ZNF638: variants seen among roughly 807,000 people sequenced by gnomAD.
The protein encoded by ZNF638 is zinc finger protein 638, also known as CTCL tumor antigen se33-1.
ZNF638 carries 46 observed loss-of-function variants against 195.6 expected under a neutral mutation model. The ratio of observed to expected loss-of-function variants is 0.24; its 90% CI spans 0.19 to 0.30. The LOEUF (loss-of-function observed/expected upper bound fraction) is 0.30. Ranked by LOEUF, ZNF638 falls within the 10% of genes least tolerant of loss-of-function variation. The pLI, the probability that ZNF638 is intolerant of heterozygous loss-of-function variation, is 1.00. For synonymous variants in ZNF638, 845 were observed against 772.0 expected (o/e 1.09, Z -1.57); for missense variants, 2,440 against 2,325.3 (o/e 1.05, Z -1.01).
At chr2:71,372,311 C>G (rs1307533998) in intron 8 of ZNF638, among the ~76,000 whole-genome samples, 1 of 152,142 alleles carries the variant, frequency 6.6e-6, no homozygotes, top group Non-Finnish European at 1.5e-5. Flanking sequence ...CCAAGAAATT[C>G]AGATTCTTAT....
intron 20 of ZNF638, among the ~76,000 whole-genome samples, chr2:71,410,755 G>C (rs1020608908): frequency 6.6e-6 from 1 of 152,118 alleles, no homozygotes; most frequent in Non-Finnish European, 1.5e-5. Context: ...CAGCAGAAGA[G>C]TTATTTGAGA....
intron 6 of ZNF638, 85 bp from the exon 7 acceptor site, chr2:71,368,297 G>A (rs1441389636): frequency 1.3e-4 from 171 of 1,317,798 alleles, no homozygotes; most frequent in Non-Finnish European, 1.7e-4. Flanking sequence ...TAATATTAGT[G>A]GTAGAAGAAA....
chr2:71,374,469 C>A (rs1467955638), intron 8 of ZNF638, among the ~76,000 whole-genome samples: 1 of 151,628 alleles, frequency 6.6e-6, no homozygotes, highest in African/African-American at 2.4e-5. Flanking sequence ...AATGTTTTTC[C>A]TCTTTATTTA....
chr2:71,375,394 C>T (rs747005158), intron 8 of ZNF638: 3 of 152,234 alleles, frequency 2.0e-5, no homozygotes, highest in Non-Finnish European at 2.9e-5. Flanking sequence ...GCACTACTGT[C>T]TGTAGAATGT....
chr2:71,333,307 T>C (rs747841305), intron 1 of ZNF638, among the ~76,000 whole-genome samples: 9 of 152,216 alleles, frequency 5.9e-5, no homozygotes, highest in Non-Finnish European at 1.3e-4. Flanking sequence ...GCTGGGCCAT[T>C]CCTTCCTTGG....
At chr2:71,340,492 A>G (rs970901293) in intron 1 of ZNF638, among the ~76,000 whole-genome samples, 1 of 152,224 alleles carries the variant, frequency 6.6e-6, no homozygotes, top group African/African-American at 2.4e-5. Context: ...TTAACTACCC[A>G]TTGTAATAAC....
chr2:71,332,751 T>C (rs2104043924), intron 1 of ZNF638: 1 of 152,322 alleles, frequency 6.6e-6, no homozygotes, highest in Middle Eastern at 3.4e-3. Context: ...GATACTTCAG[T>C]ATTACAAAAT....
At chr2:71,398,584 T>C (rs754167046) in intron 11 of ZNF638, 117 bp from the exon 12 acceptor site, 1 of 823,002 alleles carries the variant, frequency 1.2e-6, no homozygotes, top group African/African-American at 1.7e-5. Context: ...TGATAGCATT[T>C]TATGTTTTGA....
chr2:71,431,039 T>C (rs1455873651), intron 25 of ZNF638: 3 of 243,176 alleles, frequency 1.2e-5, no homozygotes, highest in Non-Finnish European at 2.4e-5. Flanking sequence ...ATAAGTTCTC[T>C]TGCCAGTAAT....
intron 4 of ZNF638, among the ~76,000 whole-genome samples, chr2:71,363,453 T>A (rs550080570): frequency 6.6e-6 from 1 of 152,084 alleles, no homozygotes; most frequent in East Asian, 1.9e-4. Flanking sequence ...TGTAAATGCC[T>A]TGAATGCTAG....
intron 7 of ZNF638, among the ~76,000 whole-genome samples, chr2:71,369,673 A>G (rs905003915): frequency 7.9e-5 from 12 of 152,030 alleles, no homozygotes; most frequent in Admixed American, 7.9e-4. Flanking sequence ...TGGTAGTGGT[A>G]TAGAAATTAT....
chr2:71,422,348 C>G (rs2080450219), intron 21 of ZNF638, among the ~76,000 whole-genome samples: 3 of 151,746 alleles, frequency 2.0e-5, no homozygotes, highest in Admixed American at 2.0e-4. Context: ...CTTTTCCCCC[C>G]ACCAGTTTCT....
chr2:71,430,217 A>G, intron 25 of ZNF638, among the ~76,000 whole-genome samples: 1 of 151,906 alleles, frequency 6.6e-6, no homozygotes, highest in Middle Eastern at 3.4e-3. Context: ...TAATTTTAAT[A>G]TATGTTATAT....
chr2:71,385,457 A>G (rs1450730207), intron 10 of ZNF638, among the ~76,000 whole-genome samples: 5 of 150,670 alleles, frequency 3.3e-5, no homozygotes, highest in Non-Finnish European at 7.4e-5. Context: ...TCACATTGAA[A>G]TGAAATTACA....
At chr2:71,412,845 T>C (rs2080254034) in intron 20 of ZNF638, among the ~76,000 whole-genome samples, 1 of 133,692 alleles carries the variant, frequency 7.5e-6, no homozygotes, top group Non-Finnish European at 1.6e-5. Flanking sequence ...TATCTCTGTT[T>C]TGGTACCAAT....
intron 3 of ZNF638, among the ~76,000 whole-genome samples, chr2:71,360,834 C>T (rs533388378): frequency 2.6e-5 from 4 of 152,156 alleles, no homozygotes; most frequent in African/African-American, 7.2e-5. Flanking sequence ...TTGTTGGGAG[C>T]GTTATTGCTT....
chr2:71,434,613 TA>T, intron 27 of ZNF638, 128 bp from the exon 28 acceptor site: 1 of 729,386 alleles, frequency 1.4e-6, no homozygotes, highest in African/African-American at 1.8e-5. Flanking sequence ...AATGGTTATA[TA>T]AGGCACTGTG....
At chr2:71,357,305 AGAGT>A (rs1272920615) in intron 3 of ZNF638, among the ~76,000 whole-genome samples, 1 of 152,146 alleles carries the variant, frequency 6.6e-6, no homozygotes. Flanking sequence ...CCGGGTGTTG[AGAGT>A]GAGATAAGTG....
At position 71,400,500 on chromosome 2, in the gene ZNF638, G is replaced by A. The variant is rs35743342; in HGVS notation, c.2679G>A (p.Glu893=). ...AAGATGCTGCTTTGGAGGCCACAGA[G>A]AATGAACCACTTAACAAGGTCAGTT... ...AISDAALEAT[E]NEPLNKETEE... The change falls in exon 15 of 28, where the codon GAG becomes GAA. Residue 893 remains glutamate (E), a synonymous_variant. Transcript: ENST00000264447. The A allele has an allele frequency of 3.6e-3, 5,737 of 1,606,360 alleles. 119 individuals carry two copies. In the African/African-American group the frequency reaches 0.055, roughly 15 times the overall value.
Sources: gnomAD v4.1 joint callset for allele counts (sites outside exome capture counted in the v4.1 genomes callset) on GRCh38, gnomAD v4.1.1 for gene constraint, MANE v1.5 for transcripts, NCBI Gene and HGNC (gene_info 2026-07-23, HGNC 2026-07-21) for gene names.